Variants in KCTD8 observed in about 807,000 individuals in gnomAD.
The protein encoded by KCTD8 is BTB/POZ domain-containing protein KCTD8.
In KCTD8, 27 loss-of-function variants were observed where a neutral mutation model predicts 31.5. The observed-to-expected ratio is 0.86, with a 90% CI of 0.63 to 1.18. The LOEUF (loss-of-function observed/expected upper bound fraction) is 1.18. Ranked by LOEUF, KCTD8 falls within the 50% of genes most tolerant of loss-of-function variation. KCTD8 has a pLI of 0.00. For synonymous variants in KCTD8, 290 were observed against 280.0 expected (o/e 1.04, Z -0.36); for missense variants, 658 against 647.7 (o/e 1.02, Z -0.17).
intron 1 of KCTD8, among the ~76,000 whole-genome samples, chr4:44,408,260 C>T (rs1465869027): frequency 1.3e-5 from 2 of 152,022 alleles, no homozygotes; most frequent in Non-Finnish European, 1.5e-5. Context: ...TTTTACTTGG[C>T]CATCTATTAA....
chr4:44,409,459 T>G lies in KCTD8; in HGVS notation c.961+38104A>C, dbSNP rs191668172. On this transcript the variant is annotated intron_variant, in intron 1 of 1. Coordinates refer to ENST00000360029, the MANE Select transcript of KCTD8 (RefSeq NM_198353.3). ...CAGCCCCAGACTCGAGTGTTTGAGCTGGAAGAAGCATGGTGATGGCCAGGT... is the reference window on the plus strand; with the variant it reads ...CAGCCCCAGACTCGAGTGTTTGAGCGGGAAGAAGCATGGTGATGGCCAGGT... Among the ~76,000 whole-genome samples, 380 of 152,214 alleles carry G rather than the reference T, an allele frequency of 2.5e-3. 2 individuals are homozygous for G. The highest frequency in any genetic ancestry group is 4.3e-3 in the Non-Finnish European group (292 of 68,012).
At chr4:44,367,266 G>A (rs2109433826) in intron 1 of KCTD8, among the ~76,000 whole-genome samples, 1 of 152,158 alleles carries the variant, frequency 6.6e-6, no homozygotes, top group East Asian at 1.9e-4. Flanking sequence ...AGCCGCAAGA[G>A]TACAAAGAGA....
At chr4:44,228,909 T>C (rs1715041980) in intron 1 of KCTD8, among the ~76,000 whole-genome samples, 1 of 152,086 alleles carries the variant, frequency 6.6e-6, no homozygotes, top group South Asian at 2.1e-4. Flanking sequence ...TTTTCTAACC[T>C]TTTTTTGTAT....
At chr4:44,309,699 A>G (rs1333408495) in intron 1 of KCTD8, among the ~76,000 whole-genome samples, 1 of 152,102 alleles carries the variant, frequency 6.6e-6, no homozygotes, top group Admixed American at 6.5e-5. Context: ...GAGAGAGAGC[A>G]CTCATTGCAG....
At chr4:44,334,380 A>G (rs986733755) in intron 1 of KCTD8, among the ~76,000 whole-genome samples, 37 of 151,494 alleles carry the variant, frequency 2.4e-4, no homozygotes, top group Admixed American at 4.6e-4. Context: ...GAAGGAAGAA[A>G]TTAAATTATA....
chr4:44,386,771 A>G (rs988162604), intron 1 of KCTD8, among the ~76,000 whole-genome samples: 7 of 151,686 alleles, frequency 4.6e-5, no homozygotes, highest in African/African-American at 1.7e-4. Context: ...AAAGGAAATC[A>G]GTATATCAAA....
intron 1 of KCTD8, among the ~76,000 whole-genome samples, chr4:44,353,691 A>G (rs1471134641): frequency 6.6e-6 from 1 of 151,982 alleles, no homozygotes; most frequent in African/African-American, 2.4e-5. Flanking sequence ...TACCTCCCAC[A>G]TATTAGTGAA....
rs542891810 is a variant in KCTD8, at chr4:44,448,501, C to T, written c.23G>A (p.Ser8Asn). MALKDTG[S>N]GGSTILPISE... ...AATGGGCAGGATGGTGCTGCCGCCG[C>T]TGCCCGTGTCCTTCAGAGCCATAGT... The change falls in exon 1 of 2, where the codon AGC becomes AAC. Residue 8 changes from serine (S) to asparagine (N), a missense_variant. Physicochemically the swap from Ser to Asn is conservative, Grantham distance 46 (BLOSUM62 1). Coordinates refer to ENST00000360029, the MANE Select transcript of KCTD8 (RefSeq NM_198353.3). The surrounding 1 kb of genome is among the most constrained non-coding windows in gnomAD (Gnocchi z 4.1). 1.8e-4 allele frequency: 275 copies of T among 1,493,200 alleles called. 7 individuals are homozygous for T. In the South Asian group the frequency reaches 3.5e-3, roughly 19 times the overall value. The allele number at this position is 1,493,200 out of a possible 1,614,324, so 92.5% of individuals were successfully genotyped here. A position where few individuals can be genotyped will look rare whatever the true frequency, so the allele number is the denominator to read the frequency against.
At chr4:44,216,761 A>G (rs943084632) in intron 1 of KCTD8, among the ~76,000 whole-genome samples, 2 of 152,242 alleles carry the variant, frequency 1.3e-5, no homozygotes, top group Non-Finnish European at 2.9e-5. Context: ...GACTTCTATC[A>G]CAGTAGCAAC....
chr4:44,278,162 T>A (rs1279398656), intron 1 of KCTD8, among the ~76,000 whole-genome samples: 1 of 152,040 alleles, frequency 6.6e-6, no homozygotes, highest in Non-Finnish European at 1.5e-5. Context: ...CACAGACATA[T>A]AAATTAGGCC....
chr4:44,251,016 G>A (rs528913400), intron 1 of KCTD8, among the ~76,000 whole-genome samples: 17 of 151,578 alleles, frequency 1.1e-4, no homozygotes, highest in South Asian at 6.2e-4. Flanking sequence ...GAAGATATTC[G>A]TGATTTCTTC....
intron 1 of KCTD8, among the ~76,000 whole-genome samples, chr4:44,272,586 T>A (rs994120028): frequency 6.6e-6 from 1 of 152,070 alleles, no homozygotes; most frequent in Non-Finnish European, 1.5e-5. Flanking sequence ...CTTAAAGAAT[T>A]TTTGGTAACA....
intron 1 of KCTD8, among the ~76,000 whole-genome samples, chr4:44,244,511 T>C (rs913655566): frequency 1.3e-5 from 2 of 152,172 alleles, no homozygotes; most frequent in African/African-American, 4.8e-5. Flanking sequence ...GCATTGCAAT[T>C]AGAATTCTTC....
At chr4:44,195,714 T>C (rs1300998277) in intron 1 of KCTD8, among the ~76,000 whole-genome samples, 2 of 152,196 alleles carry the variant, frequency 1.3e-5, no homozygotes, top group Non-Finnish European at 2.9e-5. Context: ...TTATATGCAA[T>C]TTTTGGTAAC....
At chr4:44,287,744 T>C (rs1304584083) in intron 1 of KCTD8, among the ~76,000 whole-genome samples, 1 of 152,188 alleles carries the variant, frequency 6.6e-6, no homozygotes, top group Non-Finnish European at 1.5e-5. Context: ...AATTTACCAC[T>C]GTAACTTTTC....
chr4:44,210,262 A>G (rs1714443566), intron 1 of KCTD8, among the ~76,000 whole-genome samples: 1 of 152,100 alleles, frequency 6.6e-6, no homozygotes, highest in African/African-American at 2.4e-5. Context: ...AGATTATTAC[A>G]GTAATCAGCT....
intron 1 of KCTD8, among the ~76,000 whole-genome samples, chr4:44,207,633 G>A (rs1714353923): frequency 1.3e-5 from 2 of 152,126 alleles, no homozygotes; most frequent in South Asian, 4.1e-4. Context: ...TTCACCAAAT[G>A]TGTGTGTCAA....
intron 1 of KCTD8, among the ~76,000 whole-genome samples, chr4:44,233,133 T>C (rs983151127): frequency 6.6e-6 from 1 of 152,084 alleles, no homozygotes; most frequent in Middle Eastern, 3.2e-3. Flanking sequence ...TTAGTTTACA[T>C]ATTCACATTA....
Position 44,384,152 on chromosome 4 carries a change from C to CA in KCTD8, c.961+63410dup, listed in dbSNP as rs1183241184. ...TTCAATGCCTATTATCAAAAAAAAA[C>CA]AAAAAAAAATAACAAATGCTGGTGA... On this transcript the variant is annotated intron_variant, in intron 1 of 1. Coordinates refer to ENST00000360029, the MANE Select transcript of KCTD8 (RefSeq NM_198353.3). Among the ~76,000 whole-genome samples, 11 of 142,986 alleles carry CA rather than the reference C, an allele frequency of 7.7e-5. No homozygotes were observed. The East Asian group carries it at 8.2e-4, about 11-fold the overall frequency. The allele number at this position is 142,986 out of a possible 152,430, so 93.8% of individuals were successfully genotyped here.
Sources: gnomAD v4.1 joint callset for allele counts (sites outside exome capture counted in the v4.1 genomes callset) on GRCh38, gnomAD v4.1.1 for gene constraint, Gnocchi (gnomAD v3.1) non-coding constraint, MANE v1.5 for transcripts, NCBI Gene and HGNC (gene_info 2026-07-23, HGNC 2026-07-21) for gene names.